The following CNOT6L variants were observed in gnomAD, a reference collection of about 807,000 sequenced individuals.
CNOT6L encodes the protein CCR4-NOT transcription complex subunit 6-like.
In CNOT6L, 7 loss-of-function variants were observed where a neutral mutation model predicts 64.0. The ratio of observed to expected loss-of-function variants is 0.11; its 90% CI spans 0.06 to 0.21. CNOT6L has a LOEUF of 0.21. Ranked by LOEUF, CNOT6L falls within the 10% of genes least tolerant of loss-of-function variation. CNOT6L has a pLI of 1.00. For missense variants in CNOT6L, 245 were observed against 669.0 expected, an observed-to-expected ratio of 0.37 and a Z score of 6.99; for synonymous variants, 193 against 243.4, an observed-to-expected ratio of 0.79 and a Z score of 1.93.
At chr4:77,809,395 G>A (rs1160085366) in intron 1 of CNOT6L, among the ~76,000 whole-genome samples, 1 of 152,104 alleles carries the variant, frequency 6.6e-6, no homozygotes, top group Non-Finnish European at 1.5e-5. Context: ...GAATACAATA[G>A]TCTATAACAA....
At chr4:77,740,089 G>A (rs766769107) in intron 8 of CNOT6L, among the ~76,000 whole-genome samples, 6 of 151,954 alleles carry the variant, frequency 3.9e-5, no homozygotes, top group South Asian at 2.1e-4. Flanking sequence ...AACAAATATC[G>A]TCAGGCACGG....
chr4:77,739,539 A>T (rs1177935930), intron 8 of CNOT6L, among the ~76,000 whole-genome samples: 1 of 152,226 alleles, frequency 6.6e-6, no homozygotes, highest in East Asian at 1.9e-4. Context: ...ATAATACTTT[A>T]AATTCCAAAT....
chr4:77,780,612 A>C (rs1378036062), intron 1 of CNOT6L, among the ~76,000 whole-genome samples: 3 of 152,228 alleles, frequency 2.0e-5, no homozygotes, highest in Non-Finnish European at 4.4e-5. Context: ...AATTTCTGAG[A>C]GTAACCATCA....
chr4:77,732,697 A>C (rs541207596), intron 8 of CNOT6L, among the ~76,000 whole-genome samples: 1 of 152,212 alleles, frequency 6.6e-6, no homozygotes, highest in Admixed American at 6.6e-5. Context: ...TATAAGCTTA[A>C]ATATGACAGA....
chr4:77,807,117 C>T (rs925731163), intron 1 of CNOT6L, among the ~76,000 whole-genome samples: 5 of 151,632 alleles, frequency 3.3e-5, no homozygotes, highest in African/African-American at 9.7e-5. Flanking sequence ...CCTGGTGATC[C>T]GCCTGCCTTG....
intron 11 of CNOT6L, among the ~76,000 whole-genome samples, chr4:77,721,588 A>T (rs1311259793): frequency 6.6e-6 from 1 of 152,190 alleles, no homozygotes; most frequent in Non-Finnish European, 1.5e-5. Context: ...AATGAAAACA[A>T]ATTTTTTTAT....
chr4:77,798,312 A>G (rs914862879), intron 1 of CNOT6L, among the ~76,000 whole-genome samples: 4 of 152,254 alleles, frequency 2.6e-5, no homozygotes, highest in African/African-American at 9.6e-5. Context: ...TGTCTCTAAA[A>G]CAAATAAATA....
intron 1 of CNOT6L, among the ~76,000 whole-genome samples, chr4:77,791,650 T>C (rs1020655109): frequency 1.3e-5 from 2 of 152,208 alleles, no homozygotes; most frequent in African/African-American, 4.8e-5. Flanking sequence ...TCTTCTGTTG[T>C]ACTCATGATA....
In CNOT6L at chr4:77,735,314, C is replaced by T. The variant is rs189407434; in HGVS notation, c.873-3776G>A. Among the ~76,000 whole-genome samples, 435 of 152,282 alleles carry T rather than the reference C, an allele frequency of 2.9e-3. 3 individuals carry two copies. The highest frequency in any genetic ancestry group is 5.1e-3 in the Non-Finnish European group (348 of 68,024). On this transcript the variant is annotated intron_variant, in intron 8 of 11. Transcript: ENST00000504123. ...CCTGAACACCAAACTATCTCCGAGT[C>T]TTCTTTCGGTTATCTCTGAGAACCC...
Position 77,744,886 on chromosome 4 carries a change from G to A in CNOT6L, c.560-11C>T. ...TAACCGTGAATGATGCTAAGAAGTG[G>A]GAGAAAAAACAACAGACAAACGGGA... On this transcript the variant is annotated splice_polypyrimidine_tract_variant and intron_variant, in intron 6 of 11. Transcript: ENST00000504123. 2.5e-6 allele frequency: 4 copies of A among 1,578,688 alleles called. No homozygotes were observed. Among genetic ancestry groups the A allele is most frequent in the Non-Finnish European group, 3.4e-6 (4 of 1,165,516 alleles).
At chr4:77,727,471 C>CAGGAGAAT (rs1224669983) in intron 10 of CNOT6L, among the ~76,000 whole-genome samples, 1 of 145,248 alleles carries the variant, frequency 6.9e-6, no homozygotes, top group Non-Finnish European at 1.5e-5. Flanking sequence ...GAGGCTAAGG[C>CAGGAGAAT]AGGAGAATTG....
At chr4:77,787,931 T>C (rs973885067) in intron 1 of CNOT6L, among the ~76,000 whole-genome samples, 2 of 152,246 alleles carry the variant, frequency 1.3e-5, no homozygotes, top group African/African-American at 4.8e-5. Context: ...TTCCACTACA[T>C]TGATCTGCCT....
chr4:77,743,501 A>C (rs999793478), intron 7 of CNOT6L, among the ~76,000 whole-genome samples: 1 of 151,742 alleles, frequency 6.6e-6, no homozygotes, highest in African/African-American at 2.4e-5. Context: ...ATAAATTATC[A>C]AGCTACTCTG....
At chr4:77,767,140 T>C (rs1726943842) in intron 4 of CNOT6L, among the ~76,000 whole-genome samples, 2 of 135,316 alleles carry the variant, frequency 1.5e-5, no homozygotes, top group South Asian at 4.8e-4. Context: ...ATAAAGTACC[T>C]AGAAATAAGT....
chr4:77,735,310 G>A lies in CNOT6L; in HGVS notation c.873-3772C>T, dbSNP rs540314436. On this transcript the variant is annotated intron_variant, in intron 8 of 11. Transcript: ENST00000504123. ...AACTCCTGAACACCAAACTATCTCC[G>A]AGTCTTCTTTCGGTTATCTCTGAGA... 2.9e-3 allele frequency among the ~76,000 whole-genome samples: 436 copies of A among 152,178 alleles called. 2 individuals carry two copies. The highest frequency in any genetic ancestry group is 9.6e-3 in the African/African-American group (400 of 41,500).
intron 1 of CNOT6L, among the ~76,000 whole-genome samples, chr4:77,817,614 A>G (rs1733719424): frequency 1.3e-5 from 2 of 152,256 alleles, no homozygotes; most frequent in Non-Finnish European, 2.9e-5. Context: ...ACAGCTAAGG[A>G]AAAATCACAC....
chr4:77,785,654 A>G (rs532082400), intron 1 of CNOT6L, among the ~76,000 whole-genome samples: 3 of 152,374 alleles, frequency 2.0e-5, no homozygotes, highest in South Asian at 4.1e-4. Context: ...ACATGAAAAG[A>G]TGCACAACAT....
intron 1 of CNOT6L, among the ~76,000 whole-genome samples, chr4:77,810,188 GACAA>G (rs1732754158): frequency 1.3e-5 from 2 of 151,768 alleles, no homozygotes; most frequent in Admixed American, 1.3e-4. Flanking sequence ...ATACATGAAA[GACAA>G]AAATAAAAAT....
chr4:77,780,139 T>G (rs1455202163), intron 1 of CNOT6L, among the ~76,000 whole-genome samples: 1 of 152,202 alleles, frequency 6.6e-6, no homozygotes, highest in South Asian at 2.1e-4. Context: ...TCAAATGTAA[T>G]TTAAATCTCT....
Sources: allele counts gnomAD v4.1 joint callset (sites outside exome capture counted in the v4.1 genomes callset), GRCh38; gene constraint gnomAD v4.1.1; transcripts MANE v1.5; gene names NCBI Gene and HGNC (gene_info 2026-07-23, HGNC 2026-07-21).